RING1: variants seen among roughly 807,000 people sequenced by gnomAD.
The protein encoded by RING1 is ring finger protein 1.
Under a neutral mutation model 35.0 loss-of-function variants are expected in RING1, and 8 were observed. The observed-to-expected ratio is 0.23, with a 90% CI of 0.13 to 0.41. RING1 has a LOEUF of 0.41. RING1 is among the 10% of genes least tolerant of loss of function. RING1 has a pLI of 1.00. For synonymous variants in RING1, 214 were observed against 224.3 expected (o/e 0.95, Z 0.41); for missense variants, 343 against 546.8 (o/e 0.63, Z 3.72).
chr6:33,211,403 AC>A lies in RING1; in HGVS notation c.703del (p.Arg235GlyfsTer50). 6.5e-7 allele frequency: 1 copy of A among 1,537,616 alleles called. No individual in the cohort carries two copies. The highest frequency in any genetic ancestry group is 8.8e-7 in the Non-Finnish European group (1 of 1,136,324). ...GGTGCCGGTTCGGAAGACTCTGGTG[AC>A]CGGGGAGGGACTCTGGGAGGGGGAA... ...GGGAGSEDSG[D>X]RGGTLGGGTL... On this transcript the variant is annotated frameshift_variant, in exon 5 of 7. Transcript: ENST00000374656. LOFTEE classifies it high-confidence loss of function. The surrounding 1 kb of genome is among the most constrained non-coding windows in gnomAD (Gnocchi z 6.3).
chr6:33,210,606 C>T (rs2150705307), intron 4 of RING1, among the ~76,000 whole-genome samples: 1 of 151,434 alleles, frequency 6.6e-6, no homozygotes, highest in Non-Finnish European at 1.5e-5. Context: ...CAGAACAAGG[C>T]CCTGTCACAA....
In RING1 at chr6:33,211,152, C is replaced by T. The variant is rs538896365; in HGVS notation, c.456-6C>T. On this transcript the variant is annotated splice_polypyrimidine_tract_variant and splice_region_variant and intron_variant, in intron 4 of 6. Transcript: ENST00000374656. The surrounding 1 kb of genome is among the most constrained non-coding windows in gnomAD (Gnocchi z 6.3). The stretch of plus-strand genomic sequence containing the variant: ...GCCTTCTAACCTTAACCACTTGCTT[C>T]TACAGGGCCCAGCGTGTGAGGCGGC... 4 of 1,588,144 alleles carry T rather than the reference C, an allele frequency of 2.5e-6. No individual in the cohort carries two copies. The Admixed American group carries it at 5.1e-5, about 20-fold the overall frequency.
In RING1 at chr6:33,209,054, T is replaced by A; in HGVS notation, c.78+154T>A. 1.4e-6 allele frequency: 1 copy of A among 731,412 alleles called. No homozygotes were observed. Among genetic ancestry groups the A allele is most frequent in the Non-Finnish European group, 2.5e-6 (1 of 403,508 alleles). 45.3% of individuals were successfully genotyped at this position (731,412 alleles called of 1,614,324 possible). A position where few individuals can be genotyped will look rare whatever the true frequency, so the allele number is the denominator to read the frequency against. ...TAATCTTTCCAAAGCACTTTCGCAT[T>A]TAGCTCATTTAATCCTCAAAACAGC... On this transcript the variant is annotated intron_variant, in intron 2 of 6. Coordinates refer to ENST00000374656, the MANE Select transcript of RING1 (RefSeq NM_002931.4). This position sits in a 1 kb window ranked among gnomAD's most constrained non-coding sequence, Gnocchi z 5.1.
chr6:33,209,900 C>G lies in RING1; in HGVS notation c.240-15C>G, dbSNP rs144721528. The G allele has an allele frequency of 6.8e-6, 11 of 1,613,944 alleles. No homozygotes were observed. Among genetic ancestry groups the G allele is most frequent in the African/African-American group, 1.3e-5 (1 of 75,050 alleles). On this transcript the variant is annotated splice_polypyrimidine_tract_variant and intron_variant, in intron 3 of 6. Coordinates refer to ENST00000374656, the MANE Select transcript of RING1 (RefSeq NM_002931.4). The surrounding 1 kb of genome is among the most constrained non-coding windows in gnomAD (Gnocchi z 5.1). The stretch of plus-strand genomic sequence containing the variant: ...CCTTGACTGACCACTCAGGGCTTCC[C>G]TTCTCCTACCCCAGGAACAAGGAGT...
At position 33,211,337 on chromosome 6, in the gene RING1, G is replaced by A; in HGVS notation, c.635G>A (p.Ser212Asn). 6.2e-7 allele frequency: 1 copy of A among 1,605,552 alleles called. No homozygotes were observed. Among genetic ancestry groups the A allele is most frequent in the South Asian group, 1.1e-5 (1 of 90,706 alleles). Residue 212 changes from serine (S) to asparagine (N), a missense_variant, in exon 5 of 7, where the codon AGT becomes AAT. Transcript: ENST00000374656. The surrounding 1 kb of genome is among the most constrained non-coding windows in gnomAD (Gnocchi z 6.3). The stretch of plus-strand genomic sequence containing the variant: ...CGTGGAGGGGGCGCAGGGGGGAGCA[G>A]TGTAGGGACAGGGGGAGGCGGCACT... ...RPRGGGAGGS[S>N]VGTGGGGTGG...
In RING1 at chr6:33,209,252, T is replaced by C; in HGVS notation, c.78+352T>C. The C allele has an allele frequency of 1.8e-6, 1 of 567,008 alleles. No individual in the cohort carries two copies. The highest frequency in any genetic ancestry group is 2.0e-5 in the South Asian group (1 of 51,228). The allele number at this position is 567,008 out of a possible 1,614,324, so 35.1% of individuals were successfully genotyped here. A position where few individuals can be genotyped will look rare whatever the true frequency, so the allele number is the denominator to read the frequency against. ...CCCAACATTCTGATTCAGTAGTGAA[T>C]TGGGTTCTCAGAATCTGAATTTTTA... On this transcript the variant is annotated intron_variant, in intron 2 of 6. Coordinates refer to ENST00000374656, the MANE Select transcript of RING1 (RefSeq NM_002931.4). The surrounding 1 kb of genome is among the most constrained non-coding windows in gnomAD (Gnocchi z 5.1).
chr6:33,212,220 C>T, intron 6 of RING1, 78 bp from the exon 7 acceptor site: 1 of 1,097,402 alleles, frequency 9.1e-7, no homozygotes. Flanking sequence ...TCACCTTTTG[C>T]CTCTCATTCA....
chr6:33,210,847 G>A (rs1775472942), intron 4 of RING1, among the ~76,000 whole-genome samples: 1 of 152,140 alleles, frequency 6.6e-6, no homozygotes, highest in African/African-American at 2.4e-5. Flanking sequence ...CAAGCTCACA[G>A]GGGATGTGTA....
chr6:33,212,093 G>A, intron 6 of RING1, 91 bp downstream of exon 6: 1 of 1,047,674 alleles, frequency 9.5e-7, no homozygotes, highest in Non-Finnish European at 1.4e-6. Flanking sequence ...TAACTCATCA[G>A]CACTCTTCCC....
rs1168634149 is a variant in RING1, at chr6:33,209,085, C to A, written c.78+185C>A. ...CATTTAATCCTCAAAACAGCCCTGC[C>A]AGAGAGGTGGAACAAGTATTATTAT... On this transcript the variant is annotated intron_variant, in intron 2 of 6. Coordinates refer to ENST00000374656, the MANE Select transcript of RING1 (RefSeq NM_002931.4). The surrounding 1 kb of genome is among the most constrained non-coding windows in gnomAD (Gnocchi z 5.1). 24 of 707,872 alleles carry A rather than the reference C, an allele frequency of 3.4e-5. No individual in the cohort carries two copies. 43.8% of individuals were successfully genotyped at this position (707,872 alleles called of 1,614,324 possible). A position where few individuals can be genotyped will look rare whatever the true frequency, so the allele number is the denominator to read the frequency against.
rs1422812494 is a variant in RING1 at position 33,208,656 on chromosome 6, T to C, written c.-59+12T>C. ...ACGGCTGGAGCTGGGTGAGGGGCAG[T>C]GCCGGCGCGGGGGCGGGAGCGGGGG... On this transcript the variant is annotated intron_variant, in intron 1 of 6. Coordinates refer to ENST00000374656, the MANE Select transcript of RING1 (RefSeq NM_002931.4). This position sits in a 1 kb window ranked among gnomAD's most constrained non-coding sequence, Gnocchi z 6.2. 1.7e-6 allele frequency: 1 copy of C among 591,156 alleles called. No homozygotes were observed. Among genetic ancestry groups the C allele is most frequent in the Middle Eastern group, 4.5e-4 (1 of 2,206 alleles). The allele number at this position is 591,156 out of a possible 1,614,324, so 36.6% of individuals were successfully genotyped here. A position where few individuals can be genotyped will look rare whatever the true frequency, so the allele number is the denominator to read the frequency against.
rs1430673916 is a variant in RING1 at position 33,209,192 on chromosome 6, C to A, written c.78+292C>A. On this transcript the variant is annotated intron_variant, in intron 2 of 6. Transcript: ENST00000374656. The surrounding 1 kb of genome is among the most constrained non-coding windows in gnomAD (Gnocchi z 5.1). Reference sequence around the variant, plus strand: ...CATAAGTCAGTGCACATAAGACTCACTTTGGGAGTTTATTAAAAGCAGAGC... The same window carrying A: ...CATAAGTCAGTGCACATAAGACTCAATTTGGGAGTTTATTAAAAGCAGAGC... The A allele has an allele frequency of 3.1e-6, 2 of 637,220 alleles. No individual in the cohort carries two copies. The highest frequency in any genetic ancestry group is 2.9e-5 in the East Asian group (1 of 34,406). 39.5% of individuals were successfully genotyped at this position (637,220 alleles called of 1,614,324 possible). A position where few individuals can be genotyped will look rare whatever the true frequency, so the allele number is the denominator to read the frequency against.
chr6:33,209,015 C>A lies in RING1; in HGVS notation c.78+115C>A. 1 of 857,454 alleles carries A rather than the reference C, an allele frequency of 1.2e-6. No homozygotes were observed. Among genetic ancestry groups the A allele is most frequent in the Non-Finnish European group, 1.9e-6 (1 of 513,950 alleles). The allele number at this position is 857,454 out of a possible 1,614,324, so 53.1% of individuals were successfully genotyped here. On this transcript the variant is annotated intron_variant, in intron 2 of 6. Transcript: ENST00000374656. This position sits in a 1 kb window ranked among gnomAD's most constrained non-coding sequence, Gnocchi z 5.1. ...CTCTATTCTGCCTTGCCTGGCCCTACCTTTGAATCACCTTAATCTTTCCAA... is the reference window on the plus strand; with the variant it reads ...CTCTATTCTGCCTTGCCTGGCCCTAACTTTGAATCACCTTAATCTTTCCAA...
Position 33,211,435 on chromosome 6 carries a change from GGCCCCCCAA to G in RING1, c.738_746del (p.Ser248_Pro250del). 1 of 1,579,180 alleles carries G rather than the reference GGCCCCCCAA, an allele frequency of 6.3e-7. No individual in the cohort carries two copies. The highest frequency in any genetic ancestry group is 8.6e-7 in the Non-Finnish European group (1 of 1,162,552). On this transcript the variant is annotated inframe_deletion, in exon 5 of 7. Transcript: ENST00000374656. The surrounding 1 kb of genome is among the most constrained non-coding windows in gnomAD (Gnocchi z 6.3). ...AGGGACTCTGGGAGGGGGAACGCTG[GGCCCCCCAA>G]GCCCTCCTGGGGCCCCCAGCCCCCC...
Position 33,208,666 on chromosome 6 carries a change from G to T in RING1, c.-59+22G>T, listed in dbSNP as rs1775307414. ...CTGGGTGAGGGGCAGTGCCGGCGCG[G>T]GGGCGGGAGCGGGGGCGGAGAGGGG... On this transcript the variant is annotated intron_variant, in intron 1 of 6. Transcript: ENST00000374656. This position sits in a 1 kb window ranked among gnomAD's most constrained non-coding sequence, Gnocchi z 6.2. 1 of 612,758 alleles carries T rather than the reference G, an allele frequency of 1.6e-6. No homozygotes were observed. The highest frequency in any genetic ancestry group is 1.9e-5 in the African/African-American group (1 of 51,586). The allele number at this position is 612,758 out of a possible 1,614,324, so 38.0% of individuals were successfully genotyped here.
In RING1 at chr6:33,209,903, C is replaced by T; in HGVS notation, c.240-12C>T. The T allele has an allele frequency of 2.5e-6, 4 of 1,613,930 alleles. No individual in the cohort carries two copies. Among genetic ancestry groups the T allele is most frequent in the Non-Finnish European group, 3.4e-6 (4 of 1,179,832 alleles). On this transcript the variant is annotated splice_polypyrimidine_tract_variant and intron_variant, in intron 3 of 6. Coordinates refer to ENST00000374656, the MANE Select transcript of RING1 (RefSeq NM_002931.4). The surrounding 1 kb of genome is among the most constrained non-coding windows in gnomAD (Gnocchi z 5.1). Reference sequence around the variant, plus strand: ...TGACTGACCACTCAGGGCTTCCCTTCTCCTACCCCAGGAACAAGGAGTGTC... The same window carrying T: ...TGACTGACCACTCAGGGCTTCCCTTTTCCTACCCCAGGAACAAGGAGTGTC...
Position 33,208,768 on chromosome 6 carries a change from T to C in RING1, c.-55T>C, listed in dbSNP as rs1775320727. 2.8e-6 allele frequency: 4 copies of C among 1,440,238 alleles called. No homozygotes were observed. Among genetic ancestry groups the C allele is most frequent in the African/African-American group, 2.9e-5 (2 of 70,112 alleles). 89.2% of individuals were successfully genotyped at this position (1,440,238 alleles called of 1,614,324 possible). On this transcript the variant is annotated 5_prime_UTR_variant, in exon 2 of 7. Coordinates refer to ENST00000374656, the MANE Select transcript of RING1 (RefSeq NM_002931.4). The surrounding 1 kb of genome is among the most constrained non-coding windows in gnomAD (Gnocchi z 6.2). ...CTCCCCTTCCCCCCACCCCCAGCCT[T>C]CTTCGCCTTCTCCTCGGCTGTGGAG...
Position 33,209,523 on chromosome 6 carries a change from G to T in RING1, c.79-103G>T. 8.7e-7 allele frequency: 1 copy of T among 1,145,404 alleles called. No homozygotes were observed. The highest frequency in any genetic ancestry group is 1.3e-6 in the Non-Finnish European group (1 of 794,698). 71.0% of individuals were successfully genotyped at this position (1,145,404 alleles called of 1,614,324 possible). On this transcript the variant is annotated intron_variant, in intron 2 of 6. Coordinates refer to ENST00000374656, the MANE Select transcript of RING1 (RefSeq NM_002931.4). This position sits in a 1 kb window ranked among gnomAD's most constrained non-coding sequence, Gnocchi z 5.1. ...TTGTCTCCTATAGAGACCAACATGG[G>T]TCTTCTCACTGTATTTCTCAAAATT... is the stretch of plus-strand genomic sequence containing the variant.
At position 33,212,009 on chromosome 6, in the gene RING1, G is replaced by A; in HGVS notation, c.1119+7G>A. ...TGGAGGCGGGGCGTTCACGGTGAGA[G>A]CTTCTGAGGGCAGTGGTAGAAGAGG... On this transcript the variant is annotated splice_region_variant and intron_variant, in intron 6 of 6. Coordinates refer to ENST00000374656, the MANE Select transcript of RING1 (RefSeq NM_002931.4). The A allele has an allele frequency of 6.6e-7, 1 of 1,516,836 alleles. No homozygotes were observed. The highest frequency in any genetic ancestry group is 8.9e-7 in the Non-Finnish European group (1 of 1,128,394). The allele number at this position is 1,516,836 out of a possible 1,614,324, so 94.0% of individuals were successfully genotyped here.
Sources: gnomAD v4.1 joint callset for allele counts (sites outside exome capture counted in the v4.1 genomes callset) on GRCh38, gnomAD v4.1.1 for gene constraint, Gnocchi (gnomAD v3.1) non-coding constraint, MANE v1.5 for transcripts, NCBI Gene and HGNC (gene_info 2026-07-23, HGNC 2026-07-21) for gene names.